Variants in DERA observed in about 807,000 individuals in gnomAD.
DERA encodes 2-deoxy-D-ribose 5-phosphate aldolase.
DERA carries 15 observed loss-of-function variants against 41.1 expected under a neutral mutation model. The observed-to-expected ratio is 0.37, with a 90% CI of 0.24 to 0.56. The LOEUF is 0.56. Among genes scored for constraint, DERA ranks in the 20% least tolerant of loss-of-function variants. The pLI is 0.81. For synonymous variants in DERA, 139 were observed against 137.4 expected (o/e 1.01, Z -0.08); for missense variants, 396 against 403.4 (o/e 0.98, Z 0.16).
chr12:16,022,480 A>T (rs3858680), intron 6 of DERA, among the ~76,000 whole-genome samples: 109,093 of 152,082 alleles, frequency 0.72, 39,676 homozygotes, highest in African/African-American at 0.76. Flanking sequence ...CAGAAACACC[A>T]TAACTACCAG....
In DERA at chr12:15,970,864, G is replaced by GC. The variant is rs1948654739; in HGVS notation, c.508+7917_508+7918insC. On this transcript the variant is annotated intron_variant, in intron 5 of 8. Transcript: ENST00000428559. This position sits in a 1 kb window ranked among gnomAD's most constrained non-coding sequence, Gnocchi z 4.3. ...GCAACATGAAAAAACCTAATGTCTA[G>GC]TTTTAGCTTCTGGGGATTACATTCT... is the stretch of plus-strand genomic sequence containing the variant. Among the ~76,000 whole-genome samples, 1 of 152,180 alleles carries GC rather than the reference G, an allele frequency of 6.6e-6. No homozygotes were observed. The highest frequency in any genetic ancestry group is 1.9e-4 in the East Asian group (1 of 5,194).
At position 16,019,411 on chromosome 12, in the gene DERA, A is replaced by G. The variant is rs1949004235; in HGVS notation, c.638-13131A>G. Among the ~76,000 whole-genome samples, 1 of 152,222 alleles carries G rather than the reference A, an allele frequency of 6.6e-6. No individual in the cohort carries two copies. The highest frequency in any genetic ancestry group is 1.5e-5 in the Non-Finnish European group (1 of 68,048). On this transcript the variant is annotated intron_variant, in intron 6 of 8. Coordinates refer to ENST00000428559, the MANE Select transcript of DERA (RefSeq NM_015954.4). The surrounding 1 kb of genome is among the most constrained non-coding windows in gnomAD (Gnocchi z 4.4). ...CATCTTAAAACACTGATTTCATGTG[A>G]TCAGACCTCACATTACCTAAAGAAC...
chr12:16,013,508 C>T lies in DERA; in HGVS notation c.638-19034C>T, dbSNP rs190240648. On this transcript the variant is annotated intron_variant, in intron 6 of 8. Transcript: ENST00000428559. This position sits in a 1 kb window ranked among gnomAD's most constrained non-coding sequence, Gnocchi z 5.8. The stretch of plus-strand genomic sequence containing the variant: ...AGGTGCCTCACTACCCCTTCACCTT[C>T]TGCCATGATTGTAAGTTTCCTGAGG... 1.9e-4 allele frequency among the ~76,000 whole-genome samples: 29 copies of T among 152,310 alleles called. No homozygotes were observed. The highest frequency in any genetic ancestry group is 3.8e-4 in the Non-Finnish European group (26 of 68,016).
At chr12:16,018,803 C>T (rs1444563880) in intron 6 of DERA, among the ~76,000 whole-genome samples, 2 of 151,998 alleles carry the variant, frequency 1.3e-5, no homozygotes, top group Non-Finnish European at 2.9e-5. Flanking sequence ...TAATATAATA[C>T]TATAAATTTA....
rs1290737316 is a variant in DERA, at chr12:15,936,870, C to G, written c.32-20066C>G. Among the ~76,000 whole-genome samples, 151 of 139,502 alleles carry G rather than the reference C, an allele frequency of 1.1e-3. 2 individuals are homozygous for G. The East Asian group carries it at 0.028, about 26-fold the overall frequency. 91.5% of individuals were successfully genotyped at this position (139,502 alleles called of 152,430 possible). A position where few individuals can be genotyped will look rare whatever the true frequency, so the allele number is the denominator to read the frequency against. ...CTTGTGTTGTCTTGTCTTGTCTTGT[C>G]TTGTCTTGTCTTGTCTTGTCCTGTC... On this transcript the variant is annotated intron_variant, in intron 1 of 8. Transcript: ENST00000428559. The surrounding 1 kb of genome is among the most constrained non-coding windows in gnomAD (Gnocchi z 4.6).
At chr12:15,912,099 A>G (rs1948168577) in intron 1 of DERA, among the ~76,000 whole-genome samples, 1 of 149,312 alleles carries the variant, frequency 6.7e-6, no homozygotes. Context: ...ACAGTAGTGG[A>G]GGGAAGGTCA....
rs535815727 is a variant in DERA at position 16,003,422 on chromosome 12, TC to T, written c.637+20988del. The stretch of plus-strand genomic sequence containing the variant: ...TGAATTTTGGGGGGCTCCAGTTCAA[TC>T]CACAACAAATGAGTTCAAAATGAGG... On this transcript the variant is annotated intron_variant, in intron 6 of 8. Coordinates refer to ENST00000428559, the MANE Select transcript of DERA (RefSeq NM_015954.4). The surrounding 1 kb of genome is among the most constrained non-coding windows in gnomAD (Gnocchi z 4.8). 7.9e-5 allele frequency among the ~76,000 whole-genome samples: 12 copies of T among 152,262 alleles called. No homozygotes were observed. The East Asian group carries it at 2.3e-3, about 29-fold the overall frequency.
At chr12:16,015,928 C>T (rs1013009500) in intron 6 of DERA, among the ~76,000 whole-genome samples, 1 of 152,098 alleles carries the variant, frequency 6.6e-6, no homozygotes, top group Admixed American at 6.5e-5. Context: ...TTGCTGTGTT[C>T]CTTTTTTTAA....
intron 5 of DERA, among the ~76,000 whole-genome samples, chr12:15,968,285 A>C (rs540515078): frequency 3.3e-5 from 5 of 152,330 alleles, no homozygotes; most frequent in African/African-American, 1.2e-4. Flanking sequence ...GTATGTTTCT[A>C]TGCCGTTAGC....
At position 16,019,377 on chromosome 12, in the gene DERA, TA is replaced by T. The variant is rs1949004042; in HGVS notation, c.638-13162del. On this transcript the variant is annotated intron_variant, in intron 6 of 8. Coordinates refer to ENST00000428559, the MANE Select transcript of DERA (RefSeq NM_015954.4). This position sits in a 1 kb window ranked among gnomAD's most constrained non-coding sequence, Gnocchi z 4.4. ...TTCTCAACACATCCAATACAGACAC[TA>T]AATTTAGCATCTTAAAACACTGATT... 6.6e-6 allele frequency among the ~76,000 whole-genome samples: 1 copy of T among 152,212 alleles called. No homozygotes were observed. The highest frequency in any genetic ancestry group is 2.4e-5 in the African/African-American group (1 of 41,460).
rs1948396914 is a variant in DERA, at chr12:15,939,877, T to C, written c.32-17059T>C. Among the ~76,000 whole-genome samples the C allele has an allele frequency of 2.0e-5, 3 of 152,244 alleles. No homozygotes were observed. The South Asian group carries it at 6.2e-4, about 31-fold the overall frequency. On this transcript the variant is annotated intron_variant, in intron 1 of 8. Transcript: ENST00000428559. The stretch of plus-strand genomic sequence containing the variant: ...TTTTTCACAAAGATCAGATCGTTCT[T>C]TTATTCTGTGTATAAATAAAATGTT...
At chr12:15,949,791 C>T (rs548616693) in intron 1 of DERA, among the ~76,000 whole-genome samples, 2 of 152,294 alleles carry the variant, frequency 1.3e-5, no homozygotes, top group East Asian at 3.9e-4. Context: ...CTGCGTTGCT[C>T]ATGCTGGGAG....
Position 16,001,376 on chromosome 12 carries a change from G to C in DERA, c.637+18940G>C, listed in dbSNP as rs1455291371. 6.6e-6 allele frequency among the ~76,000 whole-genome samples: 1 copy of C among 152,070 alleles called. No homozygotes were observed. Among genetic ancestry groups the C allele is most frequent in the Non-Finnish European group, 1.5e-5 (1 of 68,028 alleles). On this transcript the variant is annotated intron_variant, in intron 6 of 8. Transcript: ENST00000428559. The surrounding 1 kb of genome is among the most constrained non-coding windows in gnomAD (Gnocchi z 4.1). Reference sequence around the variant, plus strand: ...CAGCTAAACCCACCCCTTTCCACTGGCTGTTTTCTTTGGTTGTTCCTTCAG... The same window carrying C: ...CAGCTAAACCCACCCCTTTCCACTGCCTGTTTTCTTTGGTTGTTCCTTCAG...
At position 15,931,152 on chromosome 12, in the gene DERA, A is replaced by G. The variant is rs1237890467; in HGVS notation, c.31+19738A>G. ...GTTTGCGGATCTGTTTTAGCATGCA[A>G]GTATTCTTGCAGTCACTCTAACTTG... On this transcript the variant is annotated intron_variant, in intron 1 of 8. Coordinates refer to ENST00000428559, the MANE Select transcript of DERA (RefSeq NM_015954.4). This position sits in a 1 kb window ranked among gnomAD's most constrained non-coding sequence, Gnocchi z 4.6. Among the ~76,000 whole-genome samples the G allele has an allele frequency of 6.6e-6, 1 of 152,230 alleles. No individual in the cohort carries two copies. The highest frequency in any genetic ancestry group is 6.5e-5 in the Admixed American group (1 of 15,288).
Position 16,012,213 on chromosome 12 carries a change from A to G in DERA, c.638-20329A>G, listed in dbSNP as rs183499943. Reference sequence around the variant, plus strand: ...TGAGTTGAGCACAGAGATGTGATACAAGTCCTACACAGTCATGAGTTTATA... The same window carrying G: ...TGAGTTGAGCACAGAGATGTGATACGAGTCCTACACAGTCATGAGTTTATA... On this transcript the variant is annotated intron_variant, in intron 6 of 8. Coordinates refer to ENST00000428559, the MANE Select transcript of DERA (RefSeq NM_015954.4). The surrounding 1 kb of genome is among the most constrained non-coding windows in gnomAD (Gnocchi z 4.1). Among the ~76,000 whole-genome samples, 203 of 152,256 alleles carry G rather than the reference A, an allele frequency of 1.3e-3. 1 individual carries two copies. The highest frequency in any genetic ancestry group is 4.7e-3 in the African/African-American group (194 of 41,554).
At chr12:15,937,655 T>C (rs1948378678) in intron 1 of DERA, among the ~76,000 whole-genome samples, 1 of 152,134 alleles carries the variant, frequency 6.6e-6, no homozygotes, top group African/African-American at 2.4e-5. Flanking sequence ...AAATTACATG[T>C]TTTTCTTCTC....
rs1949054143 is a variant in DERA, at chr12:16,026,480, A to G, written c.638-6062A>G. On this transcript the variant is annotated intron_variant, in intron 6 of 8. Transcript: ENST00000428559. This position sits in a 1 kb window ranked among gnomAD's most constrained non-coding sequence, Gnocchi z 4.4. ...AAAGACATAAACAACCAAAACTCAC[A>G]AGGAGAAATAGTCTGAATAGGTCTA... 6.6e-6 allele frequency among the ~76,000 whole-genome samples: 1 copy of G among 151,642 alleles called. No homozygotes were observed. Among genetic ancestry groups the G allele is most frequent in the African/African-American group, 2.4e-5 (1 of 41,412 alleles).
chr12:16,036,190 A>C lies in DERA; in HGVS notation c.751-42A>C. 1 of 1,478,394 alleles carries C rather than the reference A, an allele frequency of 6.8e-7. No individual in the cohort carries two copies. Among genetic ancestry groups the C allele is most frequent in the Non-Finnish European group, 9.0e-7 (1 of 1,107,968 alleles). 91.6% of individuals were successfully genotyped at this position (1,478,394 alleles called of 1,614,324 possible). On this transcript the variant is annotated intron_variant, in intron 7 of 8. Transcript: ENST00000428559. The surrounding 1 kb of genome is among the most constrained non-coding windows in gnomAD (Gnocchi z 4.9). ...ATAGTACTATTTTTAAAAGAAATCCAATAACAATAAAGATTGTTCTATTCT... is the reference window on the plus strand; with the variant it reads ...ATAGTACTATTTTTAAAAGAAATCCCATAACAATAAAGATTGTTCTATTCT...
rs186966226 is a variant in DERA, at chr12:16,015,752, C to A, written c.638-16790C>A. Among the ~76,000 whole-genome samples, 14 of 152,240 alleles carry A rather than the reference C, an allele frequency of 9.2e-5. No individual in the cohort carries two copies. In the East Asian group the frequency reaches 2.5e-3, roughly 27 times the overall value. On this transcript the variant is annotated intron_variant, in intron 6 of 8. Transcript: ENST00000428559. ...GTCATATTTGGCAGCTAATGGGAAA[C>A]CATGTCCAGAGAAGATGAGGAACAA...
Sources: allele counts gnomAD v4.1 joint callset (sites outside exome capture counted in the v4.1 genomes callset), GRCh38; gene constraint gnomAD v4.1.1; non-coding constraint Gnocchi (gnomAD v3.1); transcripts MANE v1.5; gene names NCBI Gene and HGNC (gene_info 2026-07-23, HGNC 2026-07-21).